The following STK39 variants were observed in gnomAD, a reference collection of about 807,000 sequenced individuals.
STK39 encodes the protein STE20/SPS1-related proline-alanine-rich protein kinase.
STK39 carries 20 observed loss-of-function variants against 77.8 expected under a neutral mutation model. The observed-to-expected ratio is 0.26, with a 90% CI of 0.18 to 0.37. The LOEUF is 0.37. Among genes scored for constraint, STK39 ranks in the 10% least tolerant of loss-of-function variants. The pLI is 1.00. For missense variants in STK39, 479 were observed against 656.5 expected (o/e 0.73, Z 2.95); for synonymous variants, 246 against 234.1 (o/e 1.05, Z -0.47).
chr2:167,984,311 G>A (rs1168919955), intron 16 of STK39, among the ~76,000 whole-genome samples: 1 of 152,178 alleles, frequency 6.6e-6, no homozygotes, highest in East Asian at 1.9e-4. Flanking sequence ...TGCAACATCA[G>A]CACAGAGGCA....
At chr2:167,998,229 G>A (rs187131076) in intron 16 of STK39, among the ~76,000 whole-genome samples, 25 of 152,286 alleles carry the variant, frequency 1.6e-4, no homozygotes, top group East Asian at 9.6e-4. Context: ...CGGTTCACCC[G>A]GACAAAGGTT....
In STK39 at chr2:168,010,220, T is replaced by C. The variant is rs144517000; in HGVS notation, c.1498+2414A>G. Among the ~76,000 whole-genome samples the C allele has an allele frequency of 3.6e-3, 544 of 151,840 alleles. 4 individuals are homozygous for C. The highest frequency in any genetic ancestry group is 0.013 in the African/African-American group (517 of 41,090). On this transcript the variant is annotated intron_variant, in intron 16 of 17. Transcript: ENST00000355999. ...TCACTTGCTGATTAATTTTCTATTC[T>C]GGATGCTTAGCATATGGACCATAGC... is the stretch of plus-strand genomic sequence containing the variant.
At chr2:167,980,503 T>C (rs1463640038) in intron 16 of STK39, among the ~76,000 whole-genome samples, 1 of 152,172 alleles carries the variant, frequency 6.6e-6, no homozygotes, top group African/African-American at 2.4e-5. Context: ...AGATAGTAAA[T>C]CTACGGATAT....
At position 168,092,171 on chromosome 2, in the gene STK39, G is replaced by A. The variant is rs577592836; in HGVS notation, c.1090-16940C>T. Among the ~76,000 whole-genome samples, 10 of 152,296 alleles carry A rather than the reference G, an allele frequency of 6.6e-5. No homozygotes were observed. In the South Asian group the frequency reaches 1.2e-3, roughly 19 times the overall value. On this transcript the variant is annotated intron_variant, in intron 10 of 17. Coordinates refer to ENST00000355999, the MANE Select transcript of STK39 (RefSeq NM_013233.3). The stretch of plus-strand genomic sequence containing the variant: ...TCAGCCAAAAGGACAGAGTAGGAAC[G>A]TCAGTGTTTTCCTATTGCTAACAGA...
chr2:168,237,558 T>C (rs977593400), intron 1 of STK39, among the ~76,000 whole-genome samples: 22 of 152,228 alleles, frequency 1.4e-4, no homozygotes, highest in Non-Finnish European at 3.1e-4. Context: ...TTTTGCCCAT[T>C]CAGTATGATA....
chr2:168,160,920 G>T (rs1027966030), intron 5 of STK39, among the ~76,000 whole-genome samples: 2 of 150,950 alleles, frequency 1.3e-5, no homozygotes, highest in Admixed American at 6.6e-5. Flanking sequence ...TCCACGATGA[G>T]GAGAGGCACC....
At chr2:168,211,266 TG>T (rs1167982981) in intron 1 of STK39, among the ~76,000 whole-genome samples, 2 of 152,204 alleles carry the variant, frequency 1.3e-5, no homozygotes, top group Non-Finnish European at 2.9e-5. Flanking sequence ...TTACTAAATA[TG>T]GATGTATTGC....
chr2:168,169,756 A>G (rs536171284), intron 2 of STK39, among the ~76,000 whole-genome samples: 6 of 152,230 alleles, frequency 3.9e-5, no homozygotes, highest in Admixed American at 3.9e-4. Flanking sequence ...CTGGACATTA[A>G]AAGGTTCCAG....
chr2:168,208,939 G>A (rs942640369), intron 1 of STK39, among the ~76,000 whole-genome samples: 1 of 152,192 alleles, frequency 6.6e-6, no homozygotes, highest in Non-Finnish European at 1.5e-5. Flanking sequence ...ATACACTTGT[G>A]TTGTGCTAAT....
At chr2:168,150,975 A>G (rs1688264331) in intron 5 of STK39, among the ~76,000 whole-genome samples, 1 of 151,788 alleles carries the variant, frequency 6.6e-6, no homozygotes, top group Non-Finnish European at 1.5e-5. Context: ...TTTCATTTCT[A>G]TTTATTCCTT....
In STK39 at chr2:168,140,670, C is replaced by G. The variant is rs201333511; in HGVS notation, c.717G>C (p.Met239Ile). 1 of 1,610,256 alleles carries G rather than the reference C, an allele frequency of 6.2e-7. No homozygotes were observed. Among genetic ancestry groups the G allele is most frequent in the Non-Finnish European group, 8.5e-7 (1 of 1,177,696 alleles). ...RKTFVGTPCW[M>I]APEVMEQVRG... ...TTACCTGTTCCATGACTTCAGGAGC[C>G]ATCCAACATGGGGTGCCAACGAATG... is the stretch of plus-strand genomic sequence containing the variant. The change falls in exon 6 of 18, where the codon ATG becomes ATC. Residue 239 changes from methionine to isoleucine, a missense_variant. Around this residue, in one of 3 missense-constraint regions of STK39, gnomAD observed 139 missense variants for 280.6 expected, o/e 0.50. Transcript: ENST00000355999.
intron 10 of STK39, among the ~76,000 whole-genome samples, chr2:168,088,012 T>C (rs930641973): frequency 6.6e-6 from 1 of 152,100 alleles, no homozygotes; most frequent in Admixed American, 6.5e-5. Context: ...CACCACCCCC[T>C]TGGAAAACCT....
At chr2:168,013,793 GGTGTGTGT>G (rs4000936) in intron 15 of STK39, among the ~76,000 whole-genome samples, 20,445 of 147,586 alleles carry the variant, frequency 0.14, 1,572 homozygotes, top group East Asian at 0.34. Flanking sequence ...TAAGTGGGCT[GGTGTGTGT>G]GTGTGTGTGT....
At chr2:167,985,849 C>T (rs933000200) in intron 16 of STK39, among the ~76,000 whole-genome samples, 1 of 152,144 alleles carries the variant, frequency 6.6e-6, no homozygotes, top group Non-Finnish European at 1.5e-5. Flanking sequence ...AGTTCAATAG[C>T]TTTAACAACA....
At chr2:168,146,153 G>T (rs988442621) in intron 5 of STK39, among the ~76,000 whole-genome samples, 5 of 152,218 alleles carry the variant, frequency 3.3e-5, no homozygotes, top group Non-Finnish European at 5.9e-5. Context: ...TGCCTCTAAT[G>T]AATTTTTCAT....
intron 16 of STK39, among the ~76,000 whole-genome samples, chr2:167,992,038 C>T (rs1015945455): frequency 3.3e-5 from 5 of 152,132 alleles, no homozygotes; most frequent in African/African-American, 7.2e-5. Context: ...GCGGAGATGA[C>T]GTGCTCTGTT....
chr2:167,997,942 C>T (rs931230539), intron 16 of STK39, among the ~76,000 whole-genome samples: 35 of 152,034 alleles, frequency 2.3e-4, no homozygotes, highest in African/African-American at 7.7e-4. Context: ...CTGAAACCAG[C>T]AATTTAACGA....
chr2:168,237,038 G>A (rs1177234089), intron 1 of STK39, among the ~76,000 whole-genome samples: 2 of 152,072 alleles, frequency 1.3e-5, no homozygotes, highest in Non-Finnish European at 2.9e-5. Flanking sequence ...ACTTTGGGCA[G>A]TATGGCCATT....
At chr2:168,161,483 T>A (rs1397518769) in intron 5 of STK39, among the ~76,000 whole-genome samples, 1 of 152,244 alleles carries the variant, frequency 6.6e-6, no homozygotes, top group Non-Finnish European at 1.5e-5. Context: ...TACAAGTGCA[T>A]TTCTTGAAGT....
Sources: allele counts gnomAD v4.1 joint callset (sites outside exome capture counted in the v4.1 genomes callset), GRCh38; gene constraint gnomAD v4.1.1; regional missense constraint gnomAD v4.1.1; transcripts MANE v1.5; gene names NCBI Gene and HGNC (gene_info 2026-07-23, HGNC 2026-07-21).